Variants in ROBO2 observed in about 807,000 individuals in gnomAD.
ROBO2 encodes the protein roundabout guidance receptor 2.
In ROBO2, 53 loss-of-function variants were observed where a neutral mutation model predicts 160.8. The observed-to-expected ratio is 0.33, with a 90% CI of 0.26 to 0.41. The LOEUF (loss-of-function observed/expected upper bound fraction) is 0.41, where lower values mean the gene tolerates loss of function less well. ROBO2 is among the 10% of genes least tolerant of loss of function. The pLI, the probability that ROBO2 is intolerant of heterozygous loss-of-function variation, is 1.00. For synonymous variants in ROBO2, 664 were observed against 611.7 expected (o/e 1.09, Z -1.26); for missense variants, 1,577 against 1,722.4 (o/e 0.92, Z 1.49).
chr3:77,520,628 A>G (rs1210579608), intron 5 of ROBO2, among the ~76,000 whole-genome samples: 3 of 151,172 alleles, frequency 2.0e-5, no homozygotes, highest in African/African-American at 7.3e-5. Context: ...AAACTCAGCT[A>G]TAGGGCAATG....
chr3:76,035,005 C>T (rs905052550), intron 2 of ROBO2, among the ~76,000 whole-genome samples: 1 of 152,036 alleles, frequency 6.6e-6, no homozygotes, highest in Non-Finnish European at 1.5e-5. Context: ...CTTTAACCTT[C>T]GCTCAATACT....
intron 2 of ROBO2, among the ~76,000 whole-genome samples, chr3:77,387,913 C>T (rs961640194): frequency 2.6e-5 from 4 of 152,030 alleles, no homozygotes; most frequent in South Asian, 2.1e-4. Context: ...CTTCAAATAT[C>T]GAAGCCGTCT....
chr3:77,308,287 T>C (rs1414792222), intron 2 of ROBO2, among the ~76,000 whole-genome samples: 1 of 152,140 alleles, frequency 6.6e-6, no homozygotes, highest in Non-Finnish European at 1.5e-5. Flanking sequence ...CTCATCTGGA[T>C]TCCCTGGCCT....
intron 2 of ROBO2, among the ~76,000 whole-genome samples, chr3:77,107,425 T>A (rs1052263579): frequency 1.3e-5 from 2 of 152,144 alleles, no homozygotes; most frequent in African/African-American, 4.8e-5. Flanking sequence ...TCACCGATAT[T>A]GGCAGCCCTA....
At chr3:76,386,539 G>A (rs892800138) in intron 2 of ROBO2, among the ~76,000 whole-genome samples, 2 of 152,070 alleles carry the variant, frequency 1.3e-5, no homozygotes, top group East Asian at 3.9e-4. Flanking sequence ...GTTTTTAAAA[G>A]CCCTTAAAGG....
chr3:77,373,258 G>A (rs577565925), intron 2 of ROBO2, among the ~76,000 whole-genome samples: 1 of 149,660 alleles, frequency 6.7e-6, no homozygotes, highest in Non-Finnish European at 1.5e-5. Context: ...AAGTATTAGA[G>A]GGAAATATCC....
intron 2 of ROBO2, among the ~76,000 whole-genome samples, chr3:76,656,941 C>CTG (rs1253695700): frequency 5.3e-5 from 8 of 152,010 alleles, no homozygotes; most frequent in East Asian, 1.9e-4. Flanking sequence ...CTTTAACTGG[C>CTG]TCTCTATTTA....
chr3:76,197,164 G>A (rs1702299064), intron 2 of ROBO2, among the ~76,000 whole-genome samples: 1 of 148,900 alleles, frequency 6.7e-6, no homozygotes, highest in Admixed American at 6.6e-5. Context: ...CTCCTTTTGG[G>A]GAGTGATAAT....
chr3:77,035,355 A>C (rs372818683), upstream of ROBO2, among the ~76,000 whole-genome samples: 1 of 152,014 alleles, frequency 6.6e-6, no homozygotes, highest in African/African-American at 2.4e-5. Context: ...TCAATGTTAC[A>C]TACCACTTAC....
At chr3:77,493,375 A>G in exon 5 of ROBO2, 2 of 1,614,128 alleles carry the variant, frequency 1.2e-6, no homozygotes, top group East Asian at 2.2e-5. Context: ...AGACTTGCCA[A>G]GAGGAAGGTA....
intron 2 of ROBO2, among the ~76,000 whole-genome samples, chr3:76,073,144 C>A (rs1385130684): frequency 2.0e-5 from 3 of 151,996 alleles, no homozygotes; most frequent in Non-Finnish European, 4.4e-5. Flanking sequence ...GGGGAGGCTG[C>A]TCTCCATAAT....
intron 2 of ROBO2, among the ~76,000 whole-genome samples, chr3:76,086,776 G>C (rs2069030581): frequency 6.6e-6 from 1 of 152,078 alleles, no homozygotes; most frequent in Non-Finnish European, 1.5e-5. Flanking sequence ...TGATCAATAT[G>C]CTAAGGGCTT....
chr3:77,245,728 T>C (rs138175511), intron 2 of ROBO2, among the ~76,000 whole-genome samples: 46 of 152,316 alleles, frequency 3.0e-4, no homozygotes, highest in African/African-American at 9.6e-4. Flanking sequence ...TTCTTTTAAG[T>C]TGATGTTTAG....
intron 21 of ROBO2, 54 bp from the exon 23 acceptor site, chr3:77,617,459 T>G: frequency 6.3e-7 from 1 of 1,597,634 alleles, no homozygotes; most frequent in South Asian, 1.1e-5. Context: ...ATTGTGTGCA[T>G]GTATGTGTAT....
chr3:76,302,659 G>A (rs1414094359), intron 2 of ROBO2, among the ~76,000 whole-genome samples: 1 of 152,056 alleles, frequency 6.6e-6, no homozygotes, highest in Non-Finnish European at 1.5e-5. Flanking sequence ...CAATTGCCTA[G>A]AGTATCTAGT....
intron 2 of ROBO2, among the ~76,000 whole-genome samples, chr3:76,046,647 C>CA (rs1168294265): frequency 6.6e-6 from 1 of 151,804 alleles, no homozygotes; most frequent in Non-Finnish European, 1.5e-5. Context: ...GACTCCGTCT[C>CA]AAAAAATAAA....
At chr3:77,538,892 T>A (rs2092313036) in intron 6 of ROBO2, 1 of 489,504 alleles carries the variant, frequency 2.0e-6, no homozygotes, top group African/African-American at 1.9e-5. Context: ...GCCTATTAAC[T>A]AATTTTTGCA....
At chr3:76,044,824 T>C (rs1289837218) in intron 2 of ROBO2, among the ~76,000 whole-genome samples, 1 of 152,046 alleles carries the variant, frequency 6.6e-6, no homozygotes, top group African/African-American at 2.4e-5. Context: ...GTAAGGTGTC[T>C]AGGTTAGCTG....
chr3:77,610,741 CAAAAAAAAAA>C (rs71629658), intron 21 of ROBO2, among the ~76,000 whole-genome samples: 1 of 19,826 alleles, frequency 5.0e-5, no homozygotes, highest in Non-Finnish European at 9.6e-5. Context: ...GGCCAAAGAC[CAAAAAAAAAA>C]AAAAAAAAAA....
Sources: allele counts gnomAD v4.1 joint callset (sites outside exome capture counted in the v4.1 genomes callset), GRCh38; gene constraint gnomAD v4.1.1; transcripts MANE v1.5; gene names NCBI Gene and HGNC (gene_info 2026-07-23, HGNC 2026-07-21).